Variants in PTER observed in about 807,000 individuals in gnomAD.
PTER encodes the protein phosphotriesterase related.
Under a neutral mutation model 29.6 loss-of-function variants are expected in PTER, and 38 were observed. That is an observed-to-expected ratio of 1.28 (90% confidence interval 0.99 to 1.68). The LOEUF is 1.68. Among genes scored for constraint, PTER ranks in the 40% most tolerant of loss-of-function variants. The pLI is 0.00. For synonymous variants in PTER, 172 were observed against 154.5 expected (o/e 1.11, Z -0.84); for missense variants, 482 against 427.8 (o/e 1.13, Z -1.12).
chr10:16,447,542 T>C (rs1013236378), intron 1 of PTER, among the ~76,000 whole-genome samples: 2 of 152,166 alleles, frequency 1.3e-5, no homozygotes. Flanking sequence ...ATTATTACTA[T>C]ATAACATAAC....
chr10:16,505,874 A>G (rs761133093), intron 4 of PTER, among the ~76,000 whole-genome samples: 13 of 152,278 alleles, frequency 8.5e-5, no homozygotes, highest in Non-Finnish European at 1.3e-4. Context: ...TACCCAGTGA[A>G]GCCCTAAGAT....
At chr10:16,500,424 A>C (rs1285017406) in intron 3 of PTER, among the ~76,000 whole-genome samples, 11 of 151,698 alleles carry the variant, frequency 7.3e-5, no homozygotes, top group Admixed American at 7.2e-4. Flanking sequence ...TAATTTTTAA[A>C]GTTTCATTGT....
chr10:16,460,018 G>T (rs1834554048), intron 1 of PTER, among the ~76,000 whole-genome samples: 1 of 152,194 alleles, frequency 6.6e-6, no homozygotes. Flanking sequence ...ACAGTGCTGG[G>T]ATTACAGGCA....
chr10:16,439,695 T>A (rs976616345), intron 1 of PTER, among the ~76,000 whole-genome samples: 19 of 152,232 alleles, frequency 1.2e-4, no homozygotes, highest in Non-Finnish European at 2.5e-4. Flanking sequence ...GGAATGTTTA[T>A]CCTTAAATAT....
At chr10:16,507,201 C>CATATAT (rs55959560) in intron 4 of PTER, among the ~76,000 whole-genome samples, 27,941 of 140,000 alleles carry the variant, frequency 0.2, 2,862 homozygotes, top group South Asian at 0.29. Context: ...GTGGGTGGAG[C>CATATAT]ATATATATAT....
At chr10:16,510,668 A>G (rs1408011449) in intron 4 of PTER, among the ~76,000 whole-genome samples, 1 of 152,206 alleles carries the variant, frequency 6.6e-6, no homozygotes, top group Non-Finnish European at 1.5e-5. Context: ...ATGGGCCCAC[A>G]GGGAGAGGCA....
At position 16,512,630 on chromosome 10, in the gene PTER, T is replaced by G. The variant is rs545744635; in HGVS notation, c.*1374T>G. On this transcript the variant is annotated 3_prime_UTR_variant, in exon 5 of 5. Transcript: ENST00000535784. ...TTTGCTAAATAAAAGATATTTCTGC[T>G]GATCAAAGATGATCAAGCTTTCTGT... 6 of 152,196 alleles carry G rather than the reference T, an allele frequency of 3.9e-5. No individual in the cohort carries two copies. The highest frequency in any genetic ancestry group is 1.4e-4 in the African/African-American group (6 of 41,562). The allele number at this position is 152,196 out of a possible 1,614,324, so 9.4% of individuals were successfully genotyped here.
chr10:16,473,504 A>G (rs549711112), intron 1 of PTER, among the ~76,000 whole-genome samples: 82 of 121,864 alleles, frequency 6.7e-4, no homozygotes, highest in African/African-American at 2.4e-3. Context: ...TGGGTGATAG[A>G]GTGAGACTCC....
intron 1 of PTER, among the ~76,000 whole-genome samples, chr10:16,460,085 A>T (rs897533179): frequency 2.6e-5 from 4 of 152,188 alleles, no homozygotes; most frequent in Non-Finnish European, 4.4e-5. Context: ...CAATGACCAA[A>T]TGAAGAAGAC....
intron 3 of PTER, among the ~76,000 whole-genome samples, chr10:16,499,282 A>G (rs1376854808): frequency 6.6e-6 from 1 of 152,060 alleles, no homozygotes; most frequent in Non-Finnish European, 1.5e-5. Context: ...ATCTCATACC[A>G]CATACTACTT....
At chr10:16,499,803 A>G (rs972240242) in intron 3 of PTER, among the ~76,000 whole-genome samples, 1 of 152,036 alleles carries the variant, frequency 6.6e-6, no homozygotes, top group African/African-American at 2.4e-5. Flanking sequence ...GGTCATATCA[A>G]TAAATGTCAG....
At chr10:16,444,294 CTT>C (rs1833945729) in intron 1 of PTER, among the ~76,000 whole-genome samples, 1 of 151,518 alleles carries the variant, frequency 6.6e-6, no homozygotes, top group Admixed American at 6.6e-5. Flanking sequence ...CACCCGGCCT[CTT>C]TTCTTTTTTT....
rs1015423096 is a variant in PTER, at chr10:16,508,508, C to T, written c.840-2538C>T. Among the ~76,000 whole-genome samples the T allele has an allele frequency of 5.3e-5, 8 of 152,094 alleles. No homozygotes were observed. In the East Asian group the frequency reaches 9.7e-4, roughly 18 times the overall value. ...CATGAGGCTCCCAGACCTTCTAGAACAAGAGAAAGAAGATCCGTAAAGGGG... is the reference window on the plus strand; with the variant it reads ...CATGAGGCTCCCAGACCTTCTAGAATAAGAGAAAGAAGATCCGTAAAGGGG... On this transcript the variant is annotated intron_variant, in intron 4 of 4. Coordinates refer to ENST00000535784, the MANE Select transcript of PTER (RefSeq NM_001261836.2).
intron 3 of PTER, among the ~76,000 whole-genome samples, chr10:16,492,197 C>T (rs569980876): frequency 3.2e-4 from 48 of 152,318 alleles, no homozygotes; most frequent in African/African-American, 1.1e-3. Context: ...CTTTAAGAAA[C>T]ATGGGCCTGT....
chr10:16,493,326 G>A (rs191211446), intron 3 of PTER, among the ~76,000 whole-genome samples: 253 of 152,282 alleles, frequency 1.7e-3, no homozygotes, highest in African/African-American at 5.8e-3. Context: ...AAGTAGTACA[G>A]GGGTGTTTGA....
chr10:16,503,549 C>A lies in PTER; in HGVS notation c.699-1471C>A, dbSNP rs1000343032. On this transcript the variant is annotated intron_variant, in intron 3 of 4. Transcript: ENST00000535784. ...CCTCCCAAGTAGCTGGGATTACAGG[C>A]ACCCACCACTATGCCCAGCTAATTT... Among the ~76,000 whole-genome samples, 8 of 152,106 alleles carry A rather than the reference C, an allele frequency of 5.3e-5. No individual in the cohort carries two copies. The South Asian group carries it at 1.5e-3, about 28-fold the overall frequency.
rs1335776877 is a variant in PTER at position 16,487,772 on chromosome 10, AATAAT to A, written c.698+1159_698+1163del. ...GAATTAATACAGCACCAGTGAGACT[AATAAT>A]ATATTATAGTTACTTCTATCTTGCC... On this transcript the variant is annotated intron_variant, in intron 3 of 4. Transcript: ENST00000535784. Among the ~76,000 whole-genome samples the A allele has an allele frequency of 1.1e-4, 16 of 152,336 alleles. No homozygotes were observed. The East Asian group carries it at 2.5e-3, about 24-fold the overall frequency.
chr10:16,447,851 A>T (rs1451049085), intron 1 of PTER, among the ~76,000 whole-genome samples: 1 of 152,142 alleles, frequency 6.6e-6, no homozygotes, highest in South Asian at 2.1e-4. Context: ...CAGGCTGGGG[A>T]GAGAAGGCAG....
chr10:16,456,981 G>A (rs1052625720), intron 1 of PTER, among the ~76,000 whole-genome samples: 7 of 151,998 alleles, frequency 4.6e-5, no homozygotes. Context: ...CTGCTGCCAT[G>A]ATTGTGAGGC....
Sources: gnomAD v4.1 joint callset for allele counts (sites outside exome capture counted in the v4.1 genomes callset) on GRCh38, gnomAD v4.1.1 for gene constraint, MANE v1.5 for transcripts, NCBI Gene and HGNC (gene_info 2026-07-23, HGNC 2026-07-21) for gene names.